Variants in GATAD2A observed in about 807,000 individuals in gnomAD.
GATAD2A encodes the protein GATA zinc finger domain containing 2A.
Under a neutral mutation model 68.5 loss-of-function variants are expected in GATAD2A, and 12 were observed. The ratio of observed to expected loss-of-function variants is 0.18; its 90% CI spans 0.11 to 0.28. The LOEUF is 0.28. Among genes scored for constraint, GATAD2A ranks in the 10% least tolerant of loss-of-function variants. The probability of loss-of-function intolerance (pLI) is 1.00; values close to 1 mark genes in which losing one functional copy is unlikely to be tolerated. For synonymous variants in GATAD2A, 410 were observed against 375.3 expected, an observed-to-expected ratio of 1.09 and a Z score of -1.07; for missense variants, 755 against 868.5, an observed-to-expected ratio of 0.87 and a Z score of 1.64.
Position 19,496,317 on chromosome 19 carries a change from G to A in GATAD2A, c.924+98G>A, listed in dbSNP as rs546990310. ...CTGGGGCACAGTAGTGTTTCCCTGG[G>A]CTGTGTGGCATGACCTGCCTTGCTC... On this transcript the variant is annotated intron_variant, in intron 7 of 11. Coordinates refer to ENST00000683918, the MANE Select transcript of GATAD2A (RefSeq NM_001384528.1). 5.2e-6 allele frequency: 6 copies of A among 1,143,778 alleles called. No homozygotes were observed. The East Asian group carries it at 1.4e-4, about 27-fold the overall frequency. The allele number at this position is 1,143,778 out of a possible 1,614,324, so 70.9% of individuals were successfully genotyped here.
intron 1 of GATAD2A, chr19:19,457,246 TTC>T: frequency 1.0e-6 from 1 of 985,350 alleles, no homozygotes; most frequent in Non-Finnish European, 1.2e-6. Context: ...GATTGGGACA[TTC>T]TGAGGGCTCA....
At chr19:19,498,188 G>A (rs959920848) in intron 7 of GATAD2A, among the ~76,000 whole-genome samples, 4 of 152,236 alleles carry the variant, frequency 2.6e-5, no homozygotes, top group African/African-American at 9.6e-5. Context: ...TTAAGTGTGT[G>A]CGGTTTATCT....
At chr19:19,425,862 T>G (rs1250708856) in intron 1 of GATAD2A, among the ~76,000 whole-genome samples, 1 of 151,946 alleles carries the variant, frequency 6.6e-6, no homozygotes, top group Non-Finnish European at 1.5e-5. Flanking sequence ...CAGTGTCTGC[T>G]CACTGCATCC....
upstream of GATAD2A, among the ~76,000 whole-genome samples, chr19:19,403,918 G>A (rs2049972722): frequency 6.6e-6 from 1 of 152,182 alleles, no homozygotes. Flanking sequence ...TTGAGAATAA[G>A]ACTGTTTTGT....
At chr19:19,414,285 CTG>C (rs1390299163) in intron 1 of GATAD2A, among the ~76,000 whole-genome samples, 1 of 152,106 alleles carries the variant, frequency 6.6e-6, no homozygotes, top group African/African-American at 2.4e-5. Flanking sequence ...CTTCTGTGTA[CTG>C]TGCTCTGCTG....
chr19:19,398,329 G>A (rs905570830), intron 1 of GATAD2A, among the ~76,000 whole-genome samples: 1 of 151,852 alleles, frequency 6.6e-6, no homozygotes, highest in South Asian at 2.1e-4. Flanking sequence ...TCAGCCTCCC[G>A]AGTAGCTGAG....
chr19:19,388,834 C>T (rs916446933), intron 1 of GATAD2A, among the ~76,000 whole-genome samples: 10 of 152,184 alleles, frequency 6.6e-5, no homozygotes, highest in Admixed American at 5.2e-4. Context: ...TTCATCTCTT[C>T]CTGTTGCATT....
At position 19,505,327 on chromosome 19, in the gene GATAD2A, G is replaced by T. The variant is rs771688876; in HGVS notation, c.1775-17G>T. On this transcript the variant is annotated splice_polypyrimidine_tract_variant and intron_variant, in intron 11 of 11. Coordinates refer to ENST00000683918, the MANE Select transcript of GATAD2A (RefSeq NM_001384528.1). ...CTGACGAGGGCCTTCTCAGCTGGTC[G>T]CTCTGTTCTGTTGCAGGCGGGACCC... 8 of 1,611,506 alleles carry T rather than the reference G, an allele frequency of 5.0e-6. No homozygotes were observed. The highest frequency in any genetic ancestry group is 6.8e-6 in the Non-Finnish European group (8 of 1,179,024).
rs200840328 is a variant in GATAD2A, at chr19:19,502,478, G to A, written c.1726G>A (p.Gly576Ser). 3.2e-4 allele frequency: 514 copies of A among 1,613,414 alleles called. No individual in the cohort carries two copies. The highest frequency in any genetic ancestry group is 9.3e-4 in the Admixed American group (56 of 60,016). Residue 576 changes from glycine (G) to serine (S), a missense_variant, in exon 11 of 12, where the codon GGC becomes AGC. Physicochemically the swap from Gly to Ser is moderately conservative, Grantham distance 56. Coordinates refer to ENST00000683918, the MANE Select transcript of GATAD2A (RefSeq NM_001384528.1). ...GRHSERTVSA[G>S]KGSATSNWKK... ...ACATTCTGAGAGAACCGTGAGCGCC[G>A]GCAAGGGCAGCGCCACCTCCAACTG... is the stretch of plus-strand genomic sequence containing the variant.
intron 1 of GATAD2A, among the ~76,000 whole-genome samples, chr19:19,395,454 CA>C (rs200057314): frequency 4.7e-4 from 66 of 141,130 alleles, no homozygotes; most frequent in East Asian, 6.1e-4. Context: ...GATTCCGTCT[CA>C]AAAAAAAAAA....
At chr19:19,436,734 C>T (rs1352664691) in intron 1 of GATAD2A, among the ~76,000 whole-genome samples, 1 of 152,210 alleles carries the variant, frequency 6.6e-6, no homozygotes, top group Admixed American at 6.5e-5. Flanking sequence ...TTGCTGGGTA[C>T]CTTGGATTTT....
chr19:19,421,638 C>G (rs573978306), intron 1 of GATAD2A, among the ~76,000 whole-genome samples: 1 of 152,218 alleles, frequency 6.6e-6, no homozygotes, highest in South Asian at 2.1e-4. Context: ...TGTGCAGCCA[C>G]TCTACTGTGT....
At position 19,507,042 on chromosome 19, in the gene GATAD2A, C is replaced by G. The variant is rs1229382895; in HGVS notation, c.*1568C>G. 3.9e-5 allele frequency: 6 copies of G among 152,114 alleles called. No individual in the cohort carries two copies. The highest frequency in any genetic ancestry group is 1.3e-4 in the Admixed American group (2 of 15,268). The allele number at this position is 152,114 out of a possible 1,614,324, so 9.4% of individuals were successfully genotyped here. ...CTTTTTTTGACACAGCATAGAAGAC[C>G]TAGTTTTGGAAAACATTATCTAATT... is the stretch of plus-strand genomic sequence containing the variant. On this transcript the variant is annotated 3_prime_UTR_variant, in exon 12 of 12. Coordinates refer to ENST00000683918, the MANE Select transcript of GATAD2A (RefSeq NM_001384528.1).
At chr19:19,436,313 T>G in intron 1 of GATAD2A, 2 of 600,658 alleles carry the variant, frequency 3.3e-6, no homozygotes, top group South Asian at 2.9e-5. Context: ...TGAGTGCTGC[T>G]TCAGCCACCT....
At chr19:19,495,446 C>A (rs942877159) in intron 5 of GATAD2A, among the ~76,000 whole-genome samples, 5 of 151,854 alleles carry the variant, frequency 3.3e-5, no homozygotes, top group African/African-American at 7.3e-5. Flanking sequence ...GTAGCTGGGA[C>A]TACAGGCACG....
At chr19:19,439,334 T>C (rs930849825) in intron 1 of GATAD2A, among the ~76,000 whole-genome samples, 1 of 152,206 alleles carries the variant, frequency 6.6e-6, no homozygotes, top group African/African-American at 2.4e-5. Flanking sequence ...GAAAAACAGA[T>C]TGCATCACAG....
chr19:19,467,203 A>G (rs1035748149), intron 2 of GATAD2A, among the ~76,000 whole-genome samples: 2 of 152,120 alleles, frequency 1.3e-5, no homozygotes, highest in Non-Finnish European at 2.9e-5. Context: ...GTGAAACCCC[A>G]TCTCTACTAA....
chr19:19,424,723 C>T (rs545895508), intron 1 of GATAD2A, among the ~76,000 whole-genome samples: 8 of 152,236 alleles, frequency 5.3e-5, no homozygotes, highest in African/African-American at 1.9e-4. Flanking sequence ...GGTCTGGGGC[C>T]TCAGAGGCAG....
intron 1 of GATAD2A, among the ~76,000 whole-genome samples, chr19:19,387,842 G>A (rs543278879): frequency 6.6e-6 from 1 of 152,190 alleles, no homozygotes; most frequent in East Asian, 1.9e-4. Context: ...TCCCACTCCT[G>A]TAGGCTCCTC....
Sources: gnomAD v4.1 joint callset for allele counts (sites outside exome capture counted in the v4.1 genomes callset) on GRCh38, gnomAD v4.1.1 for gene constraint, MANE v1.5 for transcripts, NCBI Gene and HGNC (gene_info 2026-07-23, HGNC 2026-07-21) for gene names.